The following ADK variants were observed in gnomAD, a reference collection of about 807,000 sequenced individuals.
ADK encodes the protein adenosine kinase.
A neutral mutation model predicts 44.7 loss-of-function variants in ADK; 24 were observed. The observed-to-expected ratio is 0.54, with a 90% CI of 0.39 to 0.76. The LOEUF (loss-of-function observed/expected upper bound fraction) is 0.76. ADK is among the 30% of genes least tolerant of loss of function. The pLI is 0.00. For missense variants in ADK, 321 were observed against 425.1 expected (o/e 0.76, Z 2.15); for synonymous variants, 128 against 142.6 (o/e 0.90, Z 0.73).
chr10:74,200,496 A>G (rs1843338955), intron 1 of ADK, among the ~76,000 whole-genome samples: 1 of 152,050 alleles, frequency 6.6e-6, no homozygotes, highest in African/African-American at 2.4e-5. Flanking sequence ...AAAAAAAAAA[A>G]AAAAAAATAG....
chr10:74,520,636 A>G (rs1848780234), intron 6 of ADK, among the ~76,000 whole-genome samples: 1 of 151,936 alleles, frequency 6.6e-6, no homozygotes, highest in African/African-American at 2.4e-5. Context: ...CCTTTAGTAT[A>G]TTAAACAATG....
chr10:74,666,830 C>CTTTTTTT (rs11317030), intron 9 of ADK, among the ~76,000 whole-genome samples: 1 of 109,050 alleles, frequency 9.2e-6, no homozygotes, highest in Non-Finnish European at 1.9e-5. Context: ...AGTTTTGTGA[C>CTTTTTTT]TTTTTTTTTT....
At chr10:74,698,315 C>T (rs1319815139) in intron 10 of ADK, among the ~76,000 whole-genome samples, 1 of 152,198 alleles carries the variant, frequency 6.6e-6, no homozygotes, top group Admixed American at 6.5e-5. Context: ...TTCTTGTTCT[C>T]TGGTGTAATG....
rs1438316923 is a variant in ADK, at chr10:74,337,505, C to T, written c.273+22760C>T. Among the ~76,000 whole-genome samples the T allele has an allele frequency of 2.6e-5, 4 of 152,298 alleles. No individual in the cohort carries two copies. In the South Asian group the frequency reaches 6.2e-4, roughly 24 times the overall value. Reference sequence around the variant, plus strand: ...AGGGTTAGGTCCAAAGGATACTGTACAGACACTGACATTATCTGACTCATG... The same window carrying T: ...AGGGTTAGGTCCAAAGGATACTGTATAGACACTGACATTATCTGACTCATG... On this transcript the variant is annotated intron_variant, in intron 4 of 10. Transcript: ENST00000539909.
chr10:74,328,925 G>GT (rs1011918679), intron 4 of ADK, among the ~76,000 whole-genome samples: 4 of 151,720 alleles, frequency 2.6e-5, no homozygotes, highest in African/African-American at 9.7e-5. Flanking sequence ...AGAGATCCAG[G>GT]GTAGTCGTCT....
chr10:74,385,202 A>G (rs905715291), intron 4 of ADK, among the ~76,000 whole-genome samples: 2 of 152,206 alleles, frequency 1.3e-5, no homozygotes, highest in African/African-American at 4.8e-5. Flanking sequence ...TTTTTTTAAA[A>G]GAGACTTTTA....
intron 1 of ADK, among the ~76,000 whole-genome samples, chr10:74,181,543 C>T (rs766636563): frequency 5.3e-5 from 8 of 152,116 alleles, no homozygotes; most frequent in Admixed American, 1.3e-4. Flanking sequence ...GTTAAGTTGG[C>T]GCCTGAGTTA....
At chr10:74,334,146 C>T (rs1841330323) in intron 4 of ADK, among the ~76,000 whole-genome samples, 1 of 152,070 alleles carries the variant, frequency 6.6e-6, no homozygotes, top group Non-Finnish European at 1.5e-5. Flanking sequence ...TTCCCTGTGT[C>T]CCCTTTGTAG....
chr10:74,443,120 T>C (rs1228215858), intron 6 of ADK, among the ~76,000 whole-genome samples: 1 of 152,160 alleles, frequency 6.6e-6, no homozygotes, highest in African/African-American at 2.4e-5. Flanking sequence ...TTTATAATTA[T>C]GTATTGTATA....
intron 9 of ADK, among the ~76,000 whole-genome samples, chr10:74,616,697 C>T (rs1852771157): frequency 6.6e-6 from 1 of 152,140 alleles, no homozygotes; most frequent in Non-Finnish European, 1.5e-5. Context: ...TTTCTTGGCT[C>T]TTTGCATTTC....
chr10:74,635,472 C>T (rs1853593436), intron 9 of ADK, among the ~76,000 whole-genome samples: 2 of 152,072 alleles, frequency 1.3e-5, no homozygotes, highest in Admixed American at 6.5e-5. Flanking sequence ...GGAAACAGGC[C>T]TCAAGTTACT....
At chr10:74,556,066 G>T (rs989880731) in intron 7 of ADK, among the ~76,000 whole-genome samples, 2 of 152,196 alleles carry the variant, frequency 1.3e-5, no homozygotes, top group African/African-American at 4.8e-5. Context: ...AGGAGTGAAG[G>T]TTTATTAATG....
At chr10:74,449,933 A>G (rs1287181314) in intron 6 of ADK, among the ~76,000 whole-genome samples, 1 of 152,218 alleles carries the variant, frequency 6.6e-6, no homozygotes, top group East Asian at 1.9e-4. Flanking sequence ...CTTAAAAGCT[A>G]TCTGTATTGA....
intron 1 of ADK, among the ~76,000 whole-genome samples, chr10:74,184,003 G>A (rs10824100): frequency 0.2 from 30,500 of 151,634 alleles, 4,071 homozygotes; most frequent in African/African-American, 0.38. Flanking sequence ...CGCAACCTCC[G>A]CCTCCCGGAT....
At chr10:74,318,370 C>T (rs1592039564) in intron 4 of ADK, among the ~76,000 whole-genome samples, 1 of 152,124 alleles carries the variant, frequency 6.6e-6, no homozygotes, top group South Asian at 2.1e-4. Flanking sequence ...GTGTGTTGCT[C>T]AGATTGGTCT....
chr10:74,569,376 A>G (rs1333119601), intron 7 of ADK, among the ~76,000 whole-genome samples: 1 of 152,200 alleles, frequency 6.6e-6, no homozygotes, highest in Non-Finnish European at 1.5e-5. Flanking sequence ...TGGTTGAACT[A>G]GTTTACAGTC....
At chr10:74,433,041 T>A (rs1008937859) in intron 6 of ADK, among the ~76,000 whole-genome samples, 1 of 152,206 alleles carries the variant, frequency 6.6e-6, no homozygotes, top group Non-Finnish European at 1.5e-5. Context: ...ATCTTTTAGT[T>A]GGAAATGCCT....
intron 6 of ADK, among the ~76,000 whole-genome samples, chr10:74,413,100 G>A (rs982131746): frequency 1.1e-4 from 16 of 151,854 alleles, no homozygotes; most frequent in Non-Finnish European, 1.5e-5. Flanking sequence ...ACAGGTATGT[G>A]TTCATCCAGG....
At chr10:74,683,004 A>G (rs771614921) in intron 10 of ADK, among the ~76,000 whole-genome samples, 1 of 152,234 alleles carries the variant, frequency 6.6e-6, no homozygotes. Context: ...TTGGGTCACA[A>G]GTTGTTATTT....
Sources: allele counts gnomAD v4.1 joint callset (sites outside exome capture counted in the v4.1 genomes callset), GRCh38; gene constraint gnomAD v4.1.1; transcripts MANE v1.5; gene names NCBI Gene and HGNC (gene_info 2026-07-23, HGNC 2026-07-21).